MAPRE2: variants seen among roughly 807,000 people sequenced by gnomAD.
MAPRE2 encodes microtubule-associated protein RP/EB family member 2.
A neutral mutation model predicts 43.2 loss-of-function variants in MAPRE2; 13 were observed. That is an observed-to-expected ratio of 0.30 (90% CI 0.20 to 0.48). The LOEUF is 0.48. Among genes scored for constraint, MAPRE2 ranks in the 20% least tolerant of loss-of-function variants. The pLI is 0.99. For missense variants in MAPRE2, 161 were observed against 400.2 expected (o/e 0.40, Z 5.10); for synonymous variants, 135 against 148.8 (o/e 0.91, Z 0.68).
At chr18:34,989,866 G>T (rs1485499915) in intron 1 of MAPRE2, among the ~76,000 whole-genome samples, 1 of 152,052 alleles carries the variant, frequency 6.6e-6, no homozygotes, top group Non-Finnish European at 1.5e-5. Flanking sequence ...CTGTTGTTTG[G>T]CATTAATATT....
rs539536266 is a variant in MAPRE2 at position 34,994,568 on chromosome 18, G to A, written c.-69-10924G>A. On this transcript the variant is annotated intron_variant, in intron 1 of 7. Transcript: ENST00000413393. ...TCTTGGGGCCCTTTTCATCGAGGCC[G>A]CATCCACATGATCCCTGAAGATAGG... is the stretch of plus-strand genomic sequence containing the variant. Among the ~76,000 whole-genome samples, 5 of 152,138 alleles carry A rather than the reference G, an allele frequency of 3.3e-5. No individual in the cohort carries two copies. The South Asian group carries it at 8.3e-4, about 25-fold the overall frequency.
intron 1 of MAPRE2, among the ~76,000 whole-genome samples, chr18:34,991,075 A>G (rs1380776947): frequency 3.9e-5 from 6 of 152,108 alleles, no homozygotes; most frequent in Non-Finnish European, 8.8e-5. Flanking sequence ...ACAATGGTAT[A>G]TTGCATGATG....
intron 4 of MAPRE2, among the ~76,000 whole-genome samples, chr18:35,115,211 T>C (rs528119797): frequency 4.6e-5 from 7 of 152,302 alleles, no homozygotes; most frequent in African/African-American, 1.7e-4. Flanking sequence ...GTTGAATCAT[T>C]GCAGCATTCA....
At chr18:35,124,480 T>C (rs943809879) in intron 4 of MAPRE2, among the ~76,000 whole-genome samples, 14 of 152,132 alleles carry the variant, frequency 9.2e-5, no homozygotes, top group African/African-American at 3.4e-4. Flanking sequence ...GAACCCTGGC[T>C]TGTTCCTGAG....
intron 2 of MAPRE2, among the ~76,000 whole-genome samples, chr18:35,019,523 G>C (rs191874064): frequency 3.2e-4 from 48 of 152,094 alleles, no homozygotes; most frequent in African/African-American, 1.1e-3. Context: ...CTATTATCAT[G>C]TGGCTAGTTT....
intron 5 of MAPRE2, among the ~76,000 whole-genome samples, chr18:35,127,830 T>A (rs2144239741): frequency 6.6e-6 from 1 of 152,354 alleles, no homozygotes; most frequent in Middle Eastern, 3.4e-3. Context: ...AAAATCTAAC[T>A]AGCTCCACTA....
intron 1 of MAPRE2, among the ~76,000 whole-genome samples, chr18:35,055,485 T>G (rs1029870542): frequency 6.6e-6 from 1 of 152,002 alleles, no homozygotes; most frequent in Non-Finnish European, 1.5e-5. Flanking sequence ...AATAAAGTCA[T>G]AATCTGAGGT....
At chr18:34,982,523 G>A (rs1403645838) in intron 1 of MAPRE2, among the ~76,000 whole-genome samples, 1 of 152,118 alleles carries the variant, frequency 6.6e-6, no homozygotes, top group African/African-American at 2.4e-5. Context: ...CATTGAAAGA[G>A]AATTTATACT....
At chr18:35,029,351 A>G (rs1354508354) in intron 2 of MAPRE2, among the ~76,000 whole-genome samples, 3 of 152,210 alleles carry the variant, frequency 2.0e-5, no homozygotes, top group Non-Finnish European at 4.4e-5. Context: ...TCCAGAAGCC[A>G]TAGCTCTGCC....
At chr18:35,077,242 C>CGT (rs1568994665) in intron 2 of MAPRE2, among the ~76,000 whole-genome samples, 11 of 47,560 alleles carry the variant, frequency 2.3e-4, no homozygotes, top group African/African-American at 7.9e-4. Context: ...CGCGCGCGTG[C>CGT]GCGCGCGCAC....
rs763167211 is a variant in MAPRE2 at position 35,102,148 on chromosome 18, C to T, written c.599C>T (p.Ser200Phe). Residue 200 changes from serine to phenylalanine, a missense_variant, in exon 4 of 7, where the codon TCC (serine) becomes TTC (phenylalanine). Coordinates refer to ENST00000300249, the MANE Select transcript of MAPRE2 (RefSeq NM_014268.4). ...CCAAAAAAGTCTCACCATGCAAACT[C>T]CCCCACAGCAGGTATTGTCACAATG... ...NLPKKSHHAN[S>F]PTAGAAKSSP... 1.3e-6 allele frequency: 2 copies of T among 1,595,342 alleles called. No individual in the cohort carries two copies. The highest frequency in any genetic ancestry group is 3.5e-5 in the Admixed American group (2 of 56,410).
At chr18:35,063,985 G>A (rs1430974435) in intron 1 of MAPRE2, among the ~76,000 whole-genome samples, 2 of 109,346 alleles carry the variant, frequency 1.8e-5, no homozygotes, top group Non-Finnish European at 3.6e-5. Context: ...ACTGCCGAGT[G>A]AGACCCTGTC....
chr18:35,031,851 T>C (rs943783543), intron 2 of MAPRE2, among the ~76,000 whole-genome samples: 9 of 152,350 alleles, frequency 5.9e-5, no homozygotes, highest in Non-Finnish European at 1.2e-4. Flanking sequence ...TTTCTTCATC[T>C]GGAGGAAAAC....
Position 35,132,168 on chromosome 18 carries a change from T to G in MAPRE2, c.887T>G (p.Ile296Ser), listed in dbSNP as rs202150740. 4.3e-6 allele frequency: 7 copies of G among 1,614,042 alleles called. No homozygotes were observed. The highest frequency in any genetic ancestry group is 5.9e-6 in the Non-Finnish European group (7 of 1,180,016). The change falls in exon 6 of 7, where the codon ATC becomes AGC. Residue 296 changes from isoleucine (I) to serine (S), a missense_variant. Ile to Ser is a moderately radical substitution (Grantham distance 142, BLOSUM62 -2). Transcript: ENST00000300249. Reference protein sequence around the residue: ...NDDLVQRLMDILYASEEHEGH... With the variant: ...NDDLVQRLMDSLYASEEHEGH... Reference sequence around the variant, plus strand: ...GACCTCGTGCAGAGACTAATGGACATCCTGTATGCTTCAGAAGAACACGTA... The same window carrying G: ...GACCTCGTGCAGAGACTAATGGACAGCCTGTATGCTTCAGAAGAACACGTA...
chr18:35,134,737 T>C (rs1275196624), intron 6 of MAPRE2, among the ~76,000 whole-genome samples: 1 of 152,230 alleles, frequency 6.6e-6, no homozygotes, highest in African/African-American at 2.4e-5. Context: ...CTTACCTCGT[T>C]TTGTTGATTT....
intron 1 of MAPRE2, among the ~76,000 whole-genome samples, chr18:34,985,273 ATATAATATATTATATAT>A: frequency 2.7e-5 from 1 of 36,894 alleles, no homozygotes; most frequent in Non-Finnish European, 4.6e-5. Context: ...ATATTATATA[ATATAATATATTATATAT>A]TATATTATAT....
At chr18:35,053,890 T>C (rs1036732881) in intron 1 of MAPRE2, among the ~76,000 whole-genome samples, 2 of 152,194 alleles carry the variant, frequency 1.3e-5, no homozygotes, top group Admixed American at 6.5e-5. Context: ...CCCCATGACA[T>C]GAGTTTACCT....
chr18:35,016,670 C>T (rs141354094), intron 2 of MAPRE2, among the ~76,000 whole-genome samples: 84 of 151,500 alleles, frequency 5.5e-4, no homozygotes, highest in African/African-American at 1.9e-3. Flanking sequence ...TTGCTTGTTC[C>T]GTTGCTTAAG....
intron 6 of MAPRE2, among the ~76,000 whole-genome samples, chr18:35,138,686 T>A (rs958237141): frequency 6.6e-6 from 1 of 152,176 alleles, no homozygotes; most frequent in African/African-American, 2.4e-5. Flanking sequence ...CTTTGATTCA[T>A]TGACTAATGA....
Sources: gnomAD v4.1 joint callset for allele counts (sites outside exome capture counted in the v4.1 genomes callset) on GRCh38, gnomAD v4.1.1 for gene constraint, MANE v1.5 for transcripts, NCBI Gene and HGNC (gene_info 2026-07-23, HGNC 2026-07-21) for gene names.